Variants in DOCK1 observed in about 807,000 individuals in gnomAD.
DOCK1 encodes the protein dedicator of cytokinesis protein 1.
DOCK1 carries 138 observed loss-of-function variants against 262.7 expected under a neutral mutation model. That is an observed-to-expected ratio of 0.53 (90% CI 0.46 to 0.61). DOCK1 has a LOEUF of 0.61. Among genes scored for constraint, DOCK1 ranks in the 20% least tolerant of loss-of-function variants. DOCK1 has a pLI of 0.00. For missense variants in DOCK1, 1,908 were observed against 2,370.7 expected (o/e 0.80, Z 4.05); for synonymous variants, 866 against 867.4 (o/e 1.00, Z 0.03).
At chr10:126,948,608 C>T (rs946373142) in intron 1 of DOCK1, among the ~76,000 whole-genome samples, 2 of 151,920 alleles carry the variant, frequency 1.3e-5, no homozygotes, top group African/African-American at 2.4e-5. Flanking sequence ...CTCCAGGCCA[C>T]AGATGGAGAA....
Position 127,257,422 on chromosome 10 carries a change from CA to C in DOCK1, c.3041del (p.Asn1014IlefsTer15). The C allele has an allele frequency of 6.2e-7, 1 of 1,601,832 alleles. No homozygotes were observed. Among genetic ancestry groups the C allele is most frequent in the Non-Finnish European group, 8.5e-7 (1 of 1,173,420 alleles). On this transcript the variant is annotated frameshift_variant, in exon 29 of 52. Transcript: ENST00000623213. LOFTEE classifies it high-confidence loss of function. ...PFDWVIMNMV[Q>X]NKVFLRAINQ... ...CGACTGGGTGATCATGAACATGGTG[CA>C]AAATAAGTAAGTGTGGGGAAAACGG...
intron 25 of DOCK1, among the ~76,000 whole-genome samples, chr10:127,123,073 C>G (rs1270057847): frequency 1.3e-5 from 2 of 152,200 alleles, no homozygotes; most frequent in African/African-American, 4.8e-5. Context: ...TCTGGAATCA[C>G]TTATGGACAC....
intron 27 of DOCK1, among the ~76,000 whole-genome samples, chr10:127,158,665 A>T (rs1310311878): frequency 1.3e-5 from 2 of 152,124 alleles, no homozygotes; most frequent in Non-Finnish European, 2.9e-5. Context: ...GTGGACAAAA[A>T]CCCTGACAGG....
intron 27 of DOCK1, among the ~76,000 whole-genome samples, chr10:127,161,155 T>C (rs1234738968): frequency 6.6e-6 from 1 of 152,230 alleles, no homozygotes; most frequent in Non-Finnish European, 1.5e-5. Flanking sequence ...GTACTTATTT[T>C]AGATGTCAGC....
chr10:127,374,118 A>C lies in DOCK1; in HGVS notation c.3579A>C (p.Lys1193Asn). 1.2e-6 allele frequency: 2 copies of C among 1,613,566 alleles called. No homozygotes were observed. The highest frequency in any genetic ancestry group is 4.5e-5 in the East Asian group (2 of 44,866). Residue 1193 changes from lysine to asparagine, a missense_variant, in exon 35 of 52, where the codon AAA becomes AAC. Physicochemically the swap from Lys to Asn is moderately conservative, Grantham distance 94. Coordinates refer to ENST00000623213, the MANE Select transcript of DOCK1 (RefSeq NM_001290223.2). ...YLAKTGETFV[K>N]LVVRLMERLL... The stretch of plus-strand genomic sequence containing the variant: ...CCAAAACAGGAGAAACTTTTGTAAA[A>C]CTCGTTGTGCGCTTAATGGAAAGGC...
intron 23 of DOCK1, among the ~76,000 whole-genome samples, chr10:127,067,560 A>C (rs1046228379): frequency 1.3e-5 from 2 of 151,546 alleles, no homozygotes; most frequent in African/African-American, 4.9e-5. Flanking sequence ...GTGCATATGA[A>C]GCTGGAAAAT....
rs187725859 is a variant in DOCK1, at chr10:127,105,950, A to C, written c.2446-281A>C. Among the ~76,000 whole-genome samples, 5 of 152,088 alleles carry C rather than the reference A, an allele frequency of 3.3e-5. No individual in the cohort carries two copies. The East Asian group carries it at 9.7e-4, about 29-fold the overall frequency. ...TAATTTTTTTTGTATATTTTTGTAAAGGTGGAATTTCGCCATGTTACCCAG... is the reference window on the plus strand; with the variant it reads ...TAATTTTTTTTGTATATTTTTGTAACGGTGGAATTTCGCCATGTTACCCAG... On this transcript the variant is annotated intron_variant, in intron 23 of 51. Transcript: ENST00000623213.
intron 18 of DOCK1, among the ~76,000 whole-genome samples, chr10:127,035,485 C>T (rs2043533358): frequency 6.6e-6 from 1 of 152,120 alleles, no homozygotes; most frequent in Admixed American, 6.5e-5. Flanking sequence ...TGTTTTCTTC[C>T]AGCACTCCCT....
chr10:127,294,718 G>A (rs1337635041), intron 29 of DOCK1, among the ~76,000 whole-genome samples: 1 of 150,962 alleles, frequency 6.6e-6, no homozygotes, highest in Non-Finnish European at 1.5e-5. Context: ...GCGTGATCTC[G>A]GATCACTGCA....
intron 26 of DOCK1, among the ~76,000 whole-genome samples, chr10:127,127,046 G>T (rs1380414124): frequency 6.6e-6 from 1 of 152,152 alleles, no homozygotes; most frequent in African/African-American, 2.4e-5. Flanking sequence ...GTTTTTATTG[G>T]AGAAAAGCTT....
intron 49 of DOCK1, among the ~76,000 whole-genome samples, chr10:127,443,300 T>G (rs1360263259): frequency 6.6e-6 from 1 of 152,230 alleles, no homozygotes; most frequent in Non-Finnish European, 1.5e-5. Flanking sequence ...AGGAAAGAAT[T>G]CAGCCAAGAG....
At position 127,106,255 on chromosome 10, in the gene DOCK1, A is replaced by G. The variant is rs199851857; in HGVS notation, c.2470A>G (p.Thr824Ala). 299 of 1,594,356 alleles carry G rather than the reference A, an allele frequency of 1.9e-4. No individual in the cohort carries two copies. In the African/African-American group the frequency reaches 3.6e-3, roughly 19 times the overall value. ...VKGAALKYLP[T>A]IVNDVKLVFD... is the part of the protein sequence containing the mutation. ...GGGGGCAGCACTGAAATACTTACCA[A>G]CGATCGTCAACGATGTGAAATTGGT... The change falls in exon 24 of 52, where the codon ACG becomes GCG. Residue 824 changes from threonine to alanine, a missense_variant. Physicochemically the swap from Thr to Ala is moderately conservative, Grantham distance 58 (BLOSUM62 0). Around this residue, in one of 9 missense-constraint regions of DOCK1, gnomAD observed 518 missense variants for 575.1 expected, o/e 0.90. Transcript: ENST00000623213.
At chr10:127,251,614 G>A (rs1249518500) in intron 28 of DOCK1, among the ~76,000 whole-genome samples, 2 of 141,234 alleles carry the variant, frequency 1.4e-5, no homozygotes, top group East Asian at 4.2e-4. Context: ...TCCCACCTAT[G>A]AGTGAGAACA....
intron 8 of DOCK1, among the ~76,000 whole-genome samples, chr10:126,998,997 AC>A (rs1456674501): frequency 1.3e-5 from 2 of 152,310 alleles, no homozygotes; most frequent in East Asian, 3.9e-4. Context: ...TTTTTATTTT[AC>A]AATGTATTTG....
chr10:127,440,361 C>T (rs185860158), intron 49 of DOCK1, among the ~76,000 whole-genome samples: 29 of 152,226 alleles, frequency 1.9e-4, no homozygotes, highest in Admixed American at 7.2e-4. Flanking sequence ...GACAGATATC[C>T]GAGCTGTATC....
intron 6 of DOCK1, among the ~76,000 whole-genome samples, chr10:126,996,182 C>A (rs2135088547): frequency 6.6e-6 from 1 of 151,956 alleles, no homozygotes; most frequent in East Asian, 1.9e-4. Flanking sequence ...GGAGTTGAGA[C>A]CAGCCTGGCT....
rs377056484 is a variant in DOCK1, at chr10:127,235,436, AT to A, written c.2848-12570del. Among the ~76,000 whole-genome samples the A allele has an allele frequency of 7.5e-4, 114 of 152,212 alleles. 1 individual carries two copies. The East Asian group carries it at 0.018, about 24-fold the overall frequency. ...TTTTGCTTAGCATGATGTGTTGGAG[AT>A]TCACTCATGTTTATTTACCAGTAGT... On this transcript the variant is annotated intron_variant, in intron 27 of 51. Transcript: ENST00000623213.
intron 27 of DOCK1, among the ~76,000 whole-genome samples, chr10:127,215,147 A>G (rs2058150009): frequency 1.3e-5 from 2 of 152,214 alleles, no homozygotes; most frequent in Admixed American, 6.5e-5. Flanking sequence ...CTTCTTTAGA[A>G]TACATCCCCA....
At chr10:127,397,608 C>T (rs55822662) in intron 38 of DOCK1, among the ~76,000 whole-genome samples, 5 of 139,662 alleles carry the variant, frequency 3.6e-5, no homozygotes, top group African/African-American at 1.3e-4. Context: ...ACACGGGCAG[C>T]GTCTCCTATG....
Sources: gnomAD v4.1 joint callset for allele counts (sites outside exome capture counted in the v4.1 genomes callset) on GRCh38, gnomAD v4.1.1 for gene constraint, gnomAD v4.1.1 regional missense constraint, MANE v1.5 for transcripts, NCBI Gene and HGNC (gene_info 2026-07-23, HGNC 2026-07-21) for gene names.